TEAD4: variants seen among roughly 807,000 people sequenced by gnomAD.
The protein encoded by TEAD4 is transcriptional enhancer factor TEF-3.
TEAD4 carries 36 observed loss-of-function variants against 52.4 expected under a neutral mutation model. The observed-to-expected ratio is 0.69, with a 90% CI of 0.53 to 0.91. TEAD4 has a LOEUF of 0.91. Among genes scored for constraint, TEAD4 ranks in the 40% least tolerant of loss-of-function variants. The pLI, the probability that TEAD4 is intolerant of heterozygous loss-of-function variation, is 0.00. For synonymous variants in TEAD4, 220 were observed against 231.0 expected (o/e 0.95, Z 0.43); for missense variants, 508 against 583.9 (o/e 0.87, Z 1.34).
chr12:2,963,055 T>G (rs369391098), intron 2 of TEAD4, among the ~76,000 whole-genome samples: 16 of 152,302 alleles, frequency 1.1e-4, no homozygotes, highest in African/African-American at 3.6e-4. Context: ...AGAAAGCACA[T>G]AGCTGTTCTG....
At chr12:3,012,563 C>T (rs1369486828) in intron 5 of TEAD4, among the ~76,000 whole-genome samples, 1 of 152,076 alleles carries the variant, frequency 6.6e-6, no homozygotes, top group Non-Finnish European at 1.5e-5. Context: ...TGCCCTCGAC[C>T]AGAGCATGCG....
chr12:2,962,282 A>T (rs1484454313), intron 2 of TEAD4, among the ~76,000 whole-genome samples: 25 of 135,784 alleles, frequency 1.8e-4, no homozygotes, highest in East Asian at 4.1e-4. Flanking sequence ...ATATTTATAT[A>T]TATTTATTTA....
At position 2,988,304 on chromosome 12, in the gene TEAD4, G is replaced by A. The variant is rs1487934105; in HGVS notation, c.-29-6434G>A. On this transcript the variant is annotated intron_variant, in intron 2 of 12. Coordinates refer to ENST00000359864, the MANE Select transcript of TEAD4 (RefSeq NM_003213.4). ...GAGGCGGGTGGATCACCTGAGGTCA[G>A]GAGTTCCAGACCAGCCTGGCCAACA... 3.9e-5 allele frequency among the ~76,000 whole-genome samples: 6 copies of A among 151,958 alleles called. No homozygotes were observed. In the East Asian group the frequency reaches 1.2e-3, roughly 30 times the overall value.
At chr12:2,988,397 T>C (rs1164519475) in intron 2 of TEAD4, among the ~76,000 whole-genome samples, 1 of 149,854 alleles carries the variant, frequency 6.7e-6, no homozygotes, top group Non-Finnish European at 1.5e-5. Context: ...CGGGTGCCTA[T>C]AATCCCAGCT....
At chr12:2,979,600 TG>T (rs1354554844) in intron 2 of TEAD4, among the ~76,000 whole-genome samples, 1 of 152,208 alleles carries the variant, frequency 6.6e-6, no homozygotes, top group East Asian at 1.9e-4. Context: ...AGTAGTGATT[TG>T]GGGGTTAGAA....
At chr12:3,031,318 G>C (rs2098275369) in intron 10 of TEAD4, among the ~76,000 whole-genome samples, 1 of 152,222 alleles carries the variant, frequency 6.6e-6, no homozygotes, top group South Asian at 2.1e-4. Flanking sequence ...TTCCCGGCAT[G>C]GCTCAGGACC....
intron 3 of TEAD4, among the ~76,000 whole-genome samples, chr12:3,009,207 C>T (rs912678054): frequency 1.1e-4 from 16 of 152,204 alleles, no homozygotes; most frequent in African/African-American, 3.6e-4. Flanking sequence ...GCGGGTGGAT[C>T]ACTTGAGGTC....
chr12:3,040,284 G>A, intron 12 of TEAD4, 25 bp downstream of exon 12: 1 of 1,614,088 alleles, frequency 6.2e-7, no homozygotes, highest in South Asian at 1.1e-5. Flanking sequence ...CTGCGGGTGT[G>A]GCTGGAGTCT....
chr12:3,023,077 G>A (rs2098269795), intron 10 of TEAD4, among the ~76,000 whole-genome samples: 1 of 152,220 alleles, frequency 6.6e-6, no homozygotes, highest in Admixed American at 6.5e-5. Context: ...GCTGAACATG[G>A]GGGCAGGCTG....
At chr12:2,988,009 A>G (rs1047345845) in intron 2 of TEAD4, among the ~76,000 whole-genome samples, 1 of 151,422 alleles carries the variant, frequency 6.6e-6, no homozygotes, top group African/African-American at 2.4e-5. Flanking sequence ...TGGAGGTTGC[A>G]GTGAGCTGAG....
intron 2 of TEAD4, among the ~76,000 whole-genome samples, chr12:2,987,829 G>C (rs111383162): frequency 6.6e-6 from 1 of 151,802 alleles, no homozygotes; most frequent in Non-Finnish European, 1.5e-5. Context: ...ACTTTGGGAG[G>C]CTGAGGAGGA....
At chr12:2,986,553 T>G (rs549803424) in intron 2 of TEAD4, among the ~76,000 whole-genome samples, 2 of 151,556 alleles carry the variant, frequency 1.3e-5, no homozygotes, top group African/African-American at 2.4e-5. Flanking sequence ...GTCACGAGAA[T>G]CGCTTGACCT....
At chr12:2,962,675 TGC>T (rs2098216772) in intron 2 of TEAD4, among the ~76,000 whole-genome samples, 1 of 152,060 alleles carries the variant, frequency 6.6e-6, no homozygotes, top group Non-Finnish European at 1.5e-5. Flanking sequence ...TCGCCATGTT[TGC>T]CATGCTGGTC....
At chr12:3,015,934 G>A (rs1489430549) in intron 5 of TEAD4, among the ~76,000 whole-genome samples, 1 of 152,166 alleles carries the variant, frequency 6.6e-6, no homozygotes, top group African/African-American at 2.4e-5. Context: ...ATCCAGCACT[G>A]GGAGGTCGAG....
chr12:2,997,231 G>A (rs1363672084), intron 3 of TEAD4, among the ~76,000 whole-genome samples: 1 of 152,188 alleles, frequency 6.6e-6, no homozygotes. Context: ...GAAGAAGAGT[G>A]ACCTGGATAC....
At chr12:2,996,860 C>T (rs969629192) in intron 3 of TEAD4, among the ~76,000 whole-genome samples, 1 of 152,106 alleles carries the variant, frequency 6.6e-6, no homozygotes, top group Non-Finnish European at 1.5e-5. Context: ...GGTCTACAGG[C>T]GTGCGCCACC....
intron 2 of TEAD4, among the ~76,000 whole-genome samples, chr12:2,975,892 T>A (rs970188884): frequency 6.6e-6 from 1 of 152,210 alleles, no homozygotes; most frequent in South Asian, 2.1e-4. Context: ...GTCCCTGTAG[T>A]TTTGCCTTTT....
intron 2 of TEAD4, among the ~76,000 whole-genome samples, chr12:2,988,434 G>T (rs1290536243): frequency 6.7e-6 from 1 of 148,826 alleles, no homozygotes; most frequent in East Asian, 2.0e-4. Flanking sequence ...CAGGAGAATC[G>T]CTTGAACCTG....
At chr12:2,975,837 AT>A (rs1192317484) in intron 2 of TEAD4, among the ~76,000 whole-genome samples, 16 of 152,042 alleles carry the variant, frequency 1.1e-4, no homozygotes, top group Non-Finnish European at 1.8e-4. Flanking sequence ...GGTTCCGTTT[AT>A]TCATCCCTCC....
Sources: allele counts gnomAD v4.1 joint callset (sites outside exome capture counted in the v4.1 genomes callset), GRCh38; gene constraint gnomAD v4.1.1; transcripts MANE v1.5; gene names NCBI Gene and HGNC (gene_info 2026-07-23, HGNC 2026-07-21).